MACC1: variants seen among roughly 807,000 people sequenced by gnomAD.
MACC1 encodes metastasis-associated in colon cancer protein 1.
Under a neutral mutation model 70.7 loss-of-function variants are expected in MACC1, and 79 were observed. That is an observed-to-expected ratio of 1.12 (90% CI 0.93 to 1.35). MACC1 has a LOEUF of 1.35. MACC1 is among the 40% of genes most tolerant of loss of function. The pLI, the probability that MACC1 is intolerant of heterozygous loss-of-function variation, is 0.00. For synonymous variants in MACC1, 361 were observed against 347.2 expected (o/e 1.04, Z -0.44); for missense variants, 1,106 against 978.1 (o/e 1.13, Z -1.74).
At chr7:20,191,499 T>C (rs1008041539) in intron 1 of MACC1, among the ~76,000 whole-genome samples, 1 of 152,030 alleles carries the variant, frequency 6.6e-6, no homozygotes, top group African/African-American at 2.4e-5. Context: ...TCTGTAGGAG[T>C]TGGTGCTATC....
chr7:20,151,054 GAAAAAA>G (rs58699284), intron 6 of MACC1, among the ~76,000 whole-genome samples: 16,162 of 99,458 alleles, frequency 0.16, 945 homozygotes, highest in Middle Eastern at 0.26. Context: ...TCTCAAAGGA[GAAAAAA>G]AAAAAAAAAA....
intron 2 of MACC1, among the ~76,000 whole-genome samples, chr7:20,165,525 G>T (rs1261559435): frequency 9.5e-6 from 1 of 105,282 alleles, no homozygotes; most frequent in Non-Finnish European, 1.8e-5. Flanking sequence ...TCCAAGGAGA[G>T]GTGGTATAGG....
At position 20,138,828 on chromosome 7, in the gene MACC1, A is replaced by G. The variant is rs1205090787; in HGVS notation, c.*2118T>C. 1.3e-5 allele frequency: 2 copies of G among 151,698 alleles called. No homozygotes were observed. The highest frequency in any genetic ancestry group is 6.6e-5 in the Admixed American group (1 of 15,222). 9.4% of individuals were successfully genotyped at this position (151,698 alleles called of 1,614,324 possible). The stretch of plus-strand genomic sequence containing the variant: ...GCTGGGACTACAGGCGCCTGCCACC[A>G]CGCCCGGCTAATTTTTTGTATTTTT... On this transcript the variant is annotated 3_prime_UTR_variant, in exon 7 of 7. Transcript: ENST00000400331.
At chr7:20,196,584 C>G (rs1370345044) in intron 1 of MACC1, among the ~76,000 whole-genome samples, 1 of 151,578 alleles carries the variant, frequency 6.6e-6, no homozygotes, top group Non-Finnish European at 1.5e-5. Flanking sequence ...TGCGGCCGGC[C>G]CATTTTATAT....
chr7:20,164,942 T>C (rs1419518929), intron 2 of MACC1, among the ~76,000 whole-genome samples: 1 of 151,948 alleles, frequency 6.6e-6, no homozygotes, highest in East Asian at 1.9e-4. Flanking sequence ...GTACTGAGGA[T>C]TCCTTTGAGG....
chr7:20,185,538 G>GAA (rs962048763), intron 1 of MACC1, among the ~76,000 whole-genome samples: 5 of 151,810 alleles, frequency 3.3e-5, no homozygotes, highest in Non-Finnish European at 5.9e-5. Flanking sequence ...ATATGAAAAA[G>GAA]AAAATTTTCT....
chr7:20,152,219 T>C (rs1583383903), intron 6 of MACC1, among the ~76,000 whole-genome samples: 1 of 151,940 alleles, frequency 6.6e-6, no homozygotes, highest in Non-Finnish European at 1.5e-5. Context: ...GTTTTTGGAG[T>C]GTGTGCCCTC....
In MACC1 at chr7:20,160,148, C is replaced by G; in HGVS notation, c.213G>C (p.Leu71=). The G allele has an allele frequency of 6.2e-7, 1 of 1,612,688 alleles. No homozygotes were observed. The highest frequency in any genetic ancestry group is 1.1e-5 in the South Asian group (1 of 90,550). ...SKVANPFWNQ[L]SASNPFLDDI... is the part of the protein sequence containing the mutation. The stretch of plus-strand genomic sequence containing the variant: ...CATCCAAAAATGGGTTAGAAGCAGA[C>G]AGTTGATTCCAGAATGGATTTGCAA... The change falls in exon 5 of 7, where the codon CTG becomes CTC. Residue 71 remains leucine, a synonymous_variant. Coordinates refer to ENST00000400331, the MANE Select transcript of MACC1 (RefSeq NM_182762.4).
At position 20,136,532 on chromosome 7, in the gene MACC1, C is replaced by T. The variant is rs149472961; in HGVS notation, c.*4414G>A. On this transcript the variant is annotated 3_prime_UTR_variant, in exon 7 of 7. Coordinates refer to ENST00000400331, the MANE Select transcript of MACC1 (RefSeq NM_182762.4). ...AAATCTTGATGCTGAACATCAGATA[C>T]ATTTCAGATGCTGTATGTGTACAAA... 6.6e-6 allele frequency: 1 copy of T among 152,332 alleles called. No individual in the cohort carries two copies. Among genetic ancestry groups the T allele is most frequent in the East Asian group, 1.9e-4 (1 of 5,190 alleles). 9.4% of individuals were successfully genotyped at this position (152,332 alleles called of 1,614,324 possible).
chr7:20,200,016 T>C (rs545129508), intron 1 of MACC1, among the ~76,000 whole-genome samples: 101 of 151,174 alleles, frequency 6.7e-4, no homozygotes, highest in African/African-American at 2.3e-3. Context: ...CAAGTGGCTA[T>C]ACCATTATGT....
At position 20,158,531 on chromosome 7, in the gene MACC1, G is replaced by C. The variant is rs541873301; in HGVS notation, c.1830C>G (p.His610Gln). The C allele has an allele frequency of 6.2e-7, 1 of 1,614,088 alleles. No homozygotes were observed. The highest frequency in any genetic ancestry group is 1.7e-5 in the Admixed American group (1 of 60,004). Residue 610 changes from histidine (H) to glutamine (Q), a missense_variant, in exon 5 of 7, where the codon CAC becomes CAG. His to Gln is a conservative substitution (Grantham distance 24). Transcript: ENST00000400331. The part of the protein sequence containing the change: ...GVLRGKIGLV[H>Q]CKNVKVISKE... ...TTGAAATCACCTTGACATTTTTGCA[G>C]TGTACAAGTCCAATCTTACCTCTGA...
At chr7:20,200,071 A>G (rs1782810884) in intron 1 of MACC1, among the ~76,000 whole-genome samples, 1 of 151,942 alleles carries the variant, frequency 6.6e-6, no homozygotes, top group African/African-American at 2.4e-5. Context: ...ATACATACAT[A>G]TATATGTATT....
intron 1 of MACC1, among the ~76,000 whole-genome samples, chr7:20,206,151 T>C (rs1409345989): frequency 1.3e-5 from 2 of 151,594 alleles, no homozygotes; most frequent in African/African-American, 4.8e-5. Context: ...TGGGTTAGCC[T>C]TTATTATCTC....
At chr7:20,149,563 G>C (rs909789224) in intron 6 of MACC1, among the ~76,000 whole-genome samples, 1 of 152,120 alleles carries the variant, frequency 6.6e-6, no homozygotes, top group Non-Finnish European at 1.5e-5. Flanking sequence ...GATGGTAGAG[G>C]TGGAACAGAA....
chr7:20,182,258 G>T (rs546450874), intron 1 of MACC1, among the ~76,000 whole-genome samples: 1 of 151,842 alleles, frequency 6.6e-6, no homozygotes, highest in East Asian at 1.9e-4. Context: ...GAGTTAATGG[G>T]TGCAGCACAC....
chr7:20,210,511 G>A (rs1232146714), intron 1 of MACC1, among the ~76,000 whole-genome samples: 3 of 152,162 alleles, frequency 2.0e-5, no homozygotes, highest in Admixed American at 6.5e-5. Context: ...CTGAATAAAT[G>A]AATGAATGAC....
chr7:20,146,902 T>C (rs1057084856), intron 6 of MACC1, among the ~76,000 whole-genome samples: 2 of 152,234 alleles, frequency 1.3e-5, no homozygotes, highest in African/African-American at 2.4e-5. Context: ...CTTCATGATG[T>C]TGCAGTTTCA....
intron 6 of MACC1, among the ~76,000 whole-genome samples, chr7:20,150,087 G>C (rs1304295992): frequency 1.3e-5 from 2 of 152,168 alleles, no homozygotes; most frequent in African/African-American, 4.8e-5. Context: ...AGCTGACAAT[G>C]AACATTTGGT....
rs376402233 is a variant in MACC1 at position 20,154,345 on chromosome 7, G to C, written c.2194C>G (p.Arg732Gly). Residue 732 changes from arginine to glycine, a missense_variant, in exon 6 of 7, where the codon CGT becomes GGT. Coordinates refer to ENST00000400331, the MANE Select transcript of MACC1 (RefSeq NM_182762.4). ...LKMDCQELVARLIQEAAVLTS... is the reference protein window; with the variant it reads ...LKMDCQELVAGLIQEAAVLTS... ...AGAACAGCAGCTTCTTGGATGAGAC[G>C]TGCGACTAACTCTTGGCAATCCATT... 9.9e-6 allele frequency: 16 copies of C among 1,613,716 alleles called. No individual in the cohort carries two copies. Among genetic ancestry groups the C allele is most frequent in the Admixed American group, 8.3e-5 (5 of 59,940 alleles).
Sources: allele counts gnomAD v4.1 joint callset (sites outside exome capture counted in the v4.1 genomes callset), GRCh38; gene constraint gnomAD v4.1.1; transcripts MANE v1.5; gene names NCBI Gene and HGNC (gene_info 2026-07-23, HGNC 2026-07-21).